The following UBR4 variants were observed in gnomAD, a reference collection of about 807,000 sequenced individuals.
The protein encoded by UBR4 is E3 ubiquitin-protein ligase UBR4.
A neutral mutation model predicts 575.6 loss-of-function variants in UBR4; 124 were observed. The observed-to-expected ratio is 0.22, with a 90% CI of 0.19 to 0.25. The LOEUF (loss-of-function observed/expected upper bound fraction) is 0.25, where lower values mean the gene tolerates loss of function less well. Ranked by LOEUF, UBR4 falls within the 10% of genes least tolerant of loss-of-function variation. The pLI, the probability that UBR4 is intolerant of heterozygous loss-of-function variation, is 1.00. For synonymous variants in UBR4, 2,455 were observed against 2,473.7 expected (o/e 0.99, Z 0.22); for missense variants, 4,818 against 6,478.8 (o/e 0.74, Z 8.80).
chr1:19,078,007 G>C lies in UBR4; in HGVS notation c.15293C>G (p.Ala5098Gly), dbSNP rs771053182. Residue 5098 changes from alanine (A) to glycine (G), a missense_variant, in exon 104 of 106, where the codon GCC becomes GGC. Ala to Gly is a moderately conservative substitution (Grantham distance 60). Coordinates refer to ENST00000375254, the MANE Select transcript of UBR4 (RefSeq NM_020765.3). The stretch of plus-strand genomic sequence containing the variant: ...CATGTTGTAAATGAGATCGACGAGG[G>C]CCCAAAAGAGAAGGGAAGAACGGTA... ...SAYRSSLLFW[A>G]LVDLIYNMFK... 3.7e-6 allele frequency: 6 copies of C among 1,613,938 alleles called. 1 individual carries two copies. The South Asian group carries it at 6.6e-5, about 18-fold the overall frequency.
At chr1:19,079,507 G>T (rs1288740247) in intron 103 of UBR4, 1 of 152,210 alleles carries the variant, frequency 6.6e-6, no homozygotes, top group African/African-American at 2.4e-5. Flanking sequence ...CTTTGTACTT[G>T]CAAGTTCCTG....
At position 19,101,000 on chromosome 1, in the gene UBR4, G is replaced by A. The variant is rs974506277; in HGVS notation, c.13024-427C>T. On this transcript the variant is annotated intron_variant, in intron 88 of 105. Coordinates refer to ENST00000375254, the MANE Select transcript of UBR4 (RefSeq NM_020765.3). The surrounding 1 kb of genome is among the most constrained non-coding windows in gnomAD (Gnocchi z 4.2). ...GCTTCTCTATGGGACATGACACTCA[G>A]GTACACACCCCCAATGAGCTCTCAT... Among the ~76,000 whole-genome samples, 3 of 151,986 alleles carry A rather than the reference G, an allele frequency of 2.0e-5. No individual in the cohort carries two copies. The highest frequency in any genetic ancestry group is 2.9e-5 in the Non-Finnish European group (2 of 68,002).
At chr1:19,126,686 AG>A (rs761837325) in intron 63 of UBR4, 31 bp from the exon 64 acceptor site, 16 of 1,605,018 alleles carry the variant, frequency 1.0e-5, no homozygotes, top group Non-Finnish European at 1.3e-5. Context: ...AGAGATGGGA[AG>A]AATGGCTTGT....
At chr1:19,094,884 G>A (rs768527878) in intron 94 of UBR4, 22 bp downstream of exon 94, 6 of 1,611,782 alleles carry the variant, frequency 3.7e-6, no homozygotes, top group East Asian at 4.5e-5. Flanking sequence ...GCCTGCAGAT[G>A]GAGGGGCCGA....
rs1409023824 is a variant in UBR4, at chr1:19,164,856, A to C, written c.4454T>G (p.Ile1485Ser). The stretch of plus-strand genomic sequence containing the variant: ...CTGCAGCAGCTGCCGGTTCTCCTGA[A>C]TTACATCCAGCTGATCAGAATCTTT... ...PPKDSDQLDV[I>S]QENRQLLQLL... Residue 1485 changes from isoleucine to serine, a missense_variant, in exon 32 of 106, where the codon ATT (isoleucine) becomes AGT (serine). Transcript: ENST00000375254. 6.2e-7 allele frequency: 1 copy of C among 1,614,106 alleles called. No individual in the cohort carries two copies. The highest frequency in any genetic ancestry group is 1.3e-5 in the African/African-American group (1 of 74,944).
intron 103 of UBR4, chr1:19,078,724 T>G (rs1473174123): frequency 2.0e-5 from 3 of 152,372 alleles, no homozygotes; most frequent in Non-Finnish European, 4.4e-5. Context: ...CGTTGCTACT[T>G]AATCCAATGA....
At chr1:19,084,463 T>G (rs752173817) in intron 102 of UBR4, 41 bp downstream of exon 102, 14 of 1,558,314 alleles carry the variant, frequency 9.0e-6, no homozygotes, top group African/African-American at 1.4e-5. Flanking sequence ...GGATGCAGGG[T>G]GGGTCTGCGA....
Position 19,126,581 on chromosome 1 carries a change from C to T in UBR4, c.9303G>A (p.Val3101=), listed in dbSNP as rs371787290. ...SSGAVDYCLH[V]LKSLLEYWKS... ...TCCAATATTCCAGCAGTGATTTGAG[C>T]ACGTGCAGGCAGTAGTCCACAGCCC... Residue 3101 remains valine, a synonymous_variant, in exon 64 of 106, where the codon GTG becomes GTA. Transcript: ENST00000375254. 5.8e-5 allele frequency: 93 copies of T among 1,614,046 alleles called. No homozygotes were observed. Among genetic ancestry groups the T allele is most frequent in the Non-Finnish European group, 7.5e-5 (89 of 1,180,036 alleles).
At chr1:19,210,038 C>G in intron 1 of UBR4, 35 bp downstream of exon 1, 1 of 1,519,956 alleles carries the variant, frequency 6.6e-7, no homozygotes, top group Non-Finnish European at 8.8e-7. Context: ...CCTCCCCCCA[C>G]AACAGCGTCG....
At chr1:19,164,727 G>A in intron 32 of UBR4, 72 bp downstream of exon 32, 1 of 1,562,232 alleles carries the variant, frequency 6.4e-7, no homozygotes. Flanking sequence ...GTGCCCGAAG[G>A]AAAGATAACT....
intron 1 of UBR4, among the ~76,000 whole-genome samples, chr1:19,208,347 G>C (rs149558176): frequency 2.0e-5 from 3 of 151,406 alleles, no homozygotes; most frequent in Non-Finnish European, 4.4e-5. Context: ...GGCACCTGTA[G>C]TCCCAGCTAC....
intron 68 of UBR4, among the ~76,000 whole-genome samples, 171 bp from the exon 69 acceptor site, chr1:19,120,519 G>A (rs1254685915): frequency 6.6e-6 from 1 of 152,236 alleles, no homozygotes; most frequent in African/African-American, 2.4e-5. Flanking sequence ...GGGACAAATA[G>A]GTCAGCCCCA....
At chr1:19,109,678 C>T (rs887149535) in intron 81 of UBR4, among the ~76,000 whole-genome samples, 4 of 152,266 alleles carry the variant, frequency 2.6e-5, no homozygotes, top group Non-Finnish European at 5.9e-5. Flanking sequence ...TAAGGAACAA[C>T]TTGCCCAACA....
Position 19,100,225 on chromosome 1 carries a change from TG to T in UBR4, c.13221+150del, listed in dbSNP as rs2078489356. 1 of 750,862 alleles carries T rather than the reference TG, an allele frequency of 1.3e-6. No homozygotes were observed. Among genetic ancestry groups the T allele is most frequent in the East Asian group, 2.6e-5 (1 of 38,482 alleles). The allele number at this position is 750,862 out of a possible 1,614,324, so 46.5% of individuals were successfully genotyped here. On this transcript the variant is annotated intron_variant, in intron 89 of 105. Transcript: ENST00000375254. This position sits in a 1 kb window ranked among gnomAD's most constrained non-coding sequence, Gnocchi z 4.2. ...CTTAGCACTAGGTGAGGTAGAAAGG[TG>T]GGAATCATTAACCCCAACTTACAGA...
In UBR4 at chr1:19,089,080, A is replaced by C; in HGVS notation, c.14212-103T>G. 5.7e-4 allele frequency: 628 copies of C among 1,095,744 alleles called. No individual in the cohort carries two copies. The highest frequency in any genetic ancestry group is 7.6e-4 in the Non-Finnish European group (569 of 753,010). The allele number at this position is 1,095,744 out of a possible 1,614,324, so 67.9% of individuals were successfully genotyped here. A position where few individuals can be genotyped will look rare whatever the true frequency, so the allele number is the denominator to read the frequency against. On this transcript the variant is annotated intron_variant, in intron 97 of 105. Transcript: ENST00000375254. The surrounding 1 kb of genome is among the most constrained non-coding windows in gnomAD (Gnocchi z 4.3). ...AAACTCAACCAGCATGCACCATCTCATGTCACCTGCTCAGCTGCAATCAGG... is the reference window on the plus strand; with the variant it reads ...AAACTCAACCAGCATGCACCATCTCCTGTCACCTGCTCAGCTGCAATCAGG...
Position 19,127,686 on chromosome 1 carries a change from T to C in UBR4, c.9165A>G (p.Val3055=), listed in dbSNP as rs2081972946. 1 of 1,614,056 alleles carries C rather than the reference T, an allele frequency of 6.2e-7. No individual in the cohort carries two copies. Among genetic ancestry groups the C allele is most frequent in the African/African-American group, 1.3e-5 (1 of 74,932 alleles). The change falls in exon 63 of 106, where the codon GTA becomes GTG. Residue 3055 remains valine (V), a synonymous_variant. Transcript: ENST00000375254. ...RSALNEVHLV[V]MRLLSVFMSR... ...ACATGAAGACACTCAGGAGTCTCAT[T>C]ACTACCAGATGGACTTCATTCAGGG...
chr1:19,105,923 C>T, intron 83 of UBR4, 81 bp from the exon 84 acceptor site: 1 of 1,078,400 alleles, frequency 9.3e-7, no homozygotes, highest in Non-Finnish European at 1.3e-6. Flanking sequence ...AGTCAACTGC[C>T]ACCCATCTAG....
At chr1:19,101,431 C>T (rs993728977) in intron 88 of UBR4, 89 bp downstream of exon 88, 2 of 1,483,684 alleles carry the variant, frequency 1.3e-6, no homozygotes, top group African/African-American at 2.8e-5. Context: ...GGTACAATTC[C>T]CCATAACTTT....
chr1:19,183,777 A>G (rs757722577), intron 17 of UBR4, 34 bp downstream of exon 17: 7 of 1,601,140 alleles, frequency 4.4e-6, no homozygotes, highest in Non-Finnish European at 6.0e-6. Context: ...TGGTGTCATG[A>G]GCTCTTGCCT....
Sources: allele counts gnomAD v4.1 joint callset (sites outside exome capture counted in the v4.1 genomes callset), GRCh38; gene constraint gnomAD v4.1.1; non-coding constraint Gnocchi (gnomAD v3.1); transcripts MANE v1.5; gene names NCBI Gene and HGNC (gene_info 2026-07-23, HGNC 2026-07-21).